The following FGGY variants were observed in gnomAD, a reference collection of about 807,000 sequenced individuals.
FGGY encodes FGGY carbohydrate kinase domain-containing protein.
In FGGY, 72 loss-of-function variants were observed where a neutral mutation model predicts 71.3. The ratio of observed to expected loss-of-function variants is 1.01; its 90% CI spans 0.84 to 1.23. The LOEUF is 1.23. Ranked by LOEUF, FGGY falls within the 50% of genes most tolerant of loss-of-function variation. The pLI is 0.00. For missense variants in FGGY, 668 were observed against 682.3 expected (o/e 0.98, Z 0.23); for synonymous variants, 251 against 250.3 (o/e 1.00, Z -0.02).
At chr1:59,470,714 G>A (rs1020663919) in intron 6 of FGGY, among the ~76,000 whole-genome samples, 3 of 152,198 alleles carry the variant, frequency 2.0e-5, no homozygotes, top group African/African-American at 7.2e-5. Flanking sequence ...ATCCAGTGAT[G>A]CCATCCATAG....
At chr1:59,753,331 A>G (rs1208436972) in intron 14 of FGGY, among the ~76,000 whole-genome samples, 2 of 151,734 alleles carry the variant, frequency 1.3e-5, no homozygotes, top group African/African-American at 4.8e-5. Context: ...AAAACTCAGC[A>G]GTGCTGTTTC....
In FGGY at chr1:59,717,551, A is replaced by G. The variant is rs116648777; in HGVS notation, c.1513-40380A>G. On this transcript the variant is annotated intron_variant, in intron 14 of 15. Coordinates refer to ENST00000303721, the MANE Select transcript of FGGY (RefSeq NM_018291.5). The stretch of plus-strand genomic sequence containing the variant: ...AAGTGTGATATTCGATGGAGAGGCA[A>G]TCCTGGGATGAACACCCAGAGCTTG... 2.5e-3 allele frequency among the ~76,000 whole-genome samples: 386 copies of G among 152,268 alleles called. 1 individual carries two copies. The highest frequency in any genetic ancestry group is 8.9e-3 in the African/African-American group (370 of 41,570).
chr1:59,331,545 A>C (rs1241079287), intron 2 of FGGY, among the ~76,000 whole-genome samples: 2 of 152,056 alleles, frequency 1.3e-5, no homozygotes, highest in Admixed American at 6.5e-5. Flanking sequence ...TGTATCCTCA[A>C]ATTTCACTTG....
chr1:59,667,368 A>T lies in FGGY; in HGVS notation c.1382A>T (p.Asn461Ile), dbSNP rs1168556367. The change falls in exon 13 of 16, where the codon AAT becomes ATT. Residue 461 changes from asparagine (N) to isoleucine (I), a missense_variant. Physicochemically the swap from Asn to Ile is moderately radical, Grantham distance 149. Transcript: ENST00000303721. ...TTCCTATGTGGAGGCCTCAGCAAGA[A>T]TCCCCTTTTTGTGCAAATGCATGCG... The part of the protein sequence containing the change: ...TLFLCGGLSK[N>I]PLFVQMHADI... 1 of 1,614,062 alleles carries T rather than the reference A, an allele frequency of 6.2e-7. No homozygotes were observed. The highest frequency in any genetic ancestry group is 8.5e-7 in the Non-Finnish European group (1 of 1,180,020).
At chr1:59,337,048 C>CATATATATATATATATATATAT (rs35698016) in intron 2 of FGGY, among the ~76,000 whole-genome samples, 9 of 142,050 alleles carry the variant, frequency 6.3e-5, no homozygotes, top group African/African-American at 2.4e-4. Flanking sequence ...TGTATATAGT[C>CATATATATATATATATATATAT]ATATATATAT....
At chr1:59,665,262 A>C (rs1171623703) in intron 12 of FGGY, among the ~76,000 whole-genome samples, 1 of 152,220 alleles carries the variant, frequency 6.6e-6, no homozygotes, top group African/African-American at 2.4e-5. Context: ...ACATCTGGGA[A>C]TAATCAGCCC....
intron 7 of FGGY, among the ~76,000 whole-genome samples, chr1:59,538,166 A>G (rs564353157): frequency 2.0e-5 from 3 of 152,286 alleles, no homozygotes; most frequent in African/African-American, 7.2e-5. Context: ...AAACAACCCC[A>G]TGAAAAAGTG....
intron 5 of FGGY, among the ~76,000 whole-genome samples, chr1:59,414,817 C>T (rs1372207311): frequency 6.6e-6 from 1 of 152,200 alleles, no homozygotes; most frequent in Admixed American, 6.5e-5. Flanking sequence ...ACTGATATCC[C>T]TCTGTGTCCT....
intron 5 of FGGY, among the ~76,000 whole-genome samples, chr1:59,435,598 T>G (rs2153466984): frequency 6.6e-6 from 1 of 152,296 alleles, no homozygotes; most frequent in South Asian, 2.1e-4. Flanking sequence ...TGTCTCCTTG[T>G]TATGCAGGGC....
intron 8 of FGGY, among the ~76,000 whole-genome samples, chr1:59,591,224 A>G (rs1209452725): frequency 6.6e-6 from 1 of 152,222 alleles, no homozygotes; most frequent in Non-Finnish European, 1.5e-5. Flanking sequence ...TAGGAATCCA[A>G]CTTACAAGGG....
chr1:59,432,652 C>A (rs2067614966), intron 5 of FGGY, among the ~76,000 whole-genome samples: 1 of 152,186 alleles, frequency 6.6e-6, no homozygotes, highest in African/African-American at 2.4e-5. Flanking sequence ...CTCTGCTTCC[C>A]AATCTTTTGT....
At chr1:59,316,530 C>G (rs2045485039) in intron 1 of FGGY, among the ~76,000 whole-genome samples, 1 of 152,150 alleles carries the variant, frequency 6.6e-6, no homozygotes, top group Admixed American at 6.5e-5. Context: ...TTCCAGGTCC[C>G]CTTTTCCTTT....
At chr1:59,745,755 C>G (rs2098191391) in intron 14 of FGGY, among the ~76,000 whole-genome samples, 1 of 152,128 alleles carries the variant, frequency 6.6e-6, no homozygotes, top group East Asian at 1.9e-4. Flanking sequence ...ATGATGGACT[C>G]TAAGCTAGCT....
At chr1:59,301,345 G>A (rs1363370228) in intron 1 of FGGY, among the ~76,000 whole-genome samples, 3 of 152,110 alleles carry the variant, frequency 2.0e-5, no homozygotes, top group Non-Finnish European at 4.4e-5. Flanking sequence ...ATTTCTAAGA[G>A]CATTTTTGTA....
At chr1:59,682,397 G>A (rs1382453482) in intron 14 of FGGY, among the ~76,000 whole-genome samples, 1 of 152,206 alleles carries the variant, frequency 6.6e-6, no homozygotes, top group African/African-American at 2.4e-5. Flanking sequence ...TAAACAGAGG[G>A]CACCCTCAAA....
intron 7 of FGGY, among the ~76,000 whole-genome samples, chr1:59,540,198 G>A (rs964185274): frequency 6.6e-6 from 1 of 152,154 alleles, no homozygotes; most frequent in African/African-American, 2.4e-5. Flanking sequence ...AAAGAGTTTG[G>A]CAGTATCATG....
chr1:59,681,600 T>C (rs2097499548), intron 14 of FGGY, among the ~76,000 whole-genome samples: 1 of 152,238 alleles, frequency 6.6e-6, no homozygotes. Flanking sequence ...TTTATGCCTT[T>C]ACTTTTTATT....
At chr1:59,309,757 C>T (rs548087760) in intron 1 of FGGY, among the ~76,000 whole-genome samples, 19 of 152,194 alleles carry the variant, frequency 1.2e-4, no homozygotes, top group Non-Finnish European at 2.4e-4. Flanking sequence ...GGGCAGATCA[C>T]TTAAGGCCAG....
chr1:59,753,953 A>C (rs531364390), intron 14 of FGGY, among the ~76,000 whole-genome samples: 1 of 152,332 alleles, frequency 6.6e-6, no homozygotes, highest in East Asian at 1.9e-4. Flanking sequence ...TGTAGCCAAA[A>C]TTCAGAAATT....
Sources: gnomAD v4.1 joint callset for allele counts (sites outside exome capture counted in the v4.1 genomes callset) on GRCh38, gnomAD v4.1.1 for gene constraint, MANE v1.5 for transcripts, NCBI Gene and HGNC (gene_info 2026-07-23, HGNC 2026-07-21) for gene names.